Variants in PPP3CA observed in about 807,000 individuals in gnomAD.
The protein encoded by PPP3CA is CAM-PRP catalytic subunit.
Under a neutral mutation model 66.5 loss-of-function variants are expected in PPP3CA, and 14 were observed. The ratio of observed to expected loss-of-function variants is 0.21; its 90% CI spans 0.14 to 0.33. The LOEUF is 0.33. Among genes scored for constraint, PPP3CA ranks in the 10% least tolerant of loss-of-function variants. PPP3CA has a pLI of 1.00. For synonymous variants in PPP3CA, 232 were observed against 226.2 expected, an observed-to-expected ratio of 1.03 and a Z score of -0.23; for missense variants, 317 against 639.5, an observed-to-expected ratio of 0.50 and a Z score of 5.44.
chr4:101,174,362 A>C (rs1269093865), intron 2 of PPP3CA, among the ~76,000 whole-genome samples: 2 of 152,156 alleles, frequency 1.3e-5, no homozygotes, highest in Non-Finnish European at 2.9e-5. Flanking sequence ...CACAAAATTA[A>C]TTGGGGTTAG....
rs186889271 is a variant in PPP3CA at position 101,025,741 on chromosome 4, C to G, written c.*124G>C. The G allele has an allele frequency of 1.2e-3, 896 of 719,152 alleles. 26 individuals are homozygous for G. In the Admixed American group the frequency reaches 0.026, roughly 21 times the overall value. 44.5% of individuals were successfully genotyped at this position (719,152 alleles called of 1,614,324 possible). A position where few individuals can be genotyped will look rare whatever the true frequency, so the allele number is the denominator to read the frequency against. On this transcript the variant is annotated 3_prime_UTR_variant, in exon 14 of 14. Transcript: ENST00000394854. Reference sequence around the variant, plus strand: ...TGTAAACTGAATCCAATTCCTGGCCCCCAGAGCAAATAAGCTACTGTCAGA... The same window carrying G: ...TGTAAACTGAATCCAATTCCTGGCCGCCAGAGCAAATAAGCTACTGTCAGA...
intron 2 of PPP3CA, among the ~76,000 whole-genome samples, chr4:101,188,074 A>G (rs1401424563): frequency 2.0e-5 from 3 of 152,174 alleles, no homozygotes; most frequent in Non-Finnish European, 4.4e-5. Flanking sequence ...ATTAGATAGC[A>G]CATTCAGAGA....
intron 1 of PPP3CA, among the ~76,000 whole-genome samples, chr4:101,241,807 C>T (rs1363394297): frequency 6.6e-6 from 1 of 152,028 alleles, no homozygotes; most frequent in African/African-American, 2.4e-5. Flanking sequence ...AATCTGATTC[C>T]AGTGACCATG....
chr4:101,129,554 A>AGC, intron 2 of PPP3CA, among the ~76,000 whole-genome samples: 1 of 152,218 alleles, frequency 6.6e-6, no homozygotes, highest in Non-Finnish European at 1.5e-5. Context: ...GGAAGGAACA[A>AGC]GCAGCAATCT....
chr4:101,206,520 C>T (rs1725135291), intron 1 of PPP3CA, among the ~76,000 whole-genome samples: 2 of 152,090 alleles, frequency 1.3e-5, no homozygotes, highest in South Asian at 4.1e-4. Context: ...AAGAAACTTT[C>T]AAGTAATTAA....
chr4:101,201,443 A>G (rs957249376), intron 1 of PPP3CA, among the ~76,000 whole-genome samples: 1 of 152,198 alleles, frequency 6.6e-6, no homozygotes, highest in Admixed American at 6.5e-5. Flanking sequence ...GCATTGGCCT[A>G]TTTTTACCTA....
At chr4:101,087,091 T>A (rs1729705800) in intron 6 of PPP3CA, among the ~76,000 whole-genome samples, 1 of 152,132 alleles carries the variant, frequency 6.6e-6, no homozygotes, top group Admixed American at 6.5e-5. Flanking sequence ...GTTCAACTCC[T>A]CCTCTGCTTC....
intron 10 of PPP3CA, among the ~76,000 whole-genome samples, chr4:101,047,457 TAA>T (rs1335468164): frequency 2.0e-5 from 3 of 152,192 alleles, no homozygotes; most frequent in African/African-American, 7.2e-5. Context: ...CAATGGCATA[TAA>T]ATATCACAGC....
intron 1 of PPP3CA, among the ~76,000 whole-genome samples, chr4:101,295,424 T>C (rs1728173129): frequency 6.6e-6 from 1 of 152,220 alleles, no homozygotes; most frequent in African/African-American, 2.4e-5. Context: ...ATTTTCTATT[T>C]TGTACATAAA....
chr4:101,195,395 GGA>G (rs1724756742), intron 2 of PPP3CA, among the ~76,000 whole-genome samples: 2 of 152,136 alleles, frequency 1.3e-5, no homozygotes, highest in East Asian at 3.8e-4. Context: ...ACAGAGGGCT[GGA>G]TAAGACACAG....
intron 1 of PPP3CA, among the ~76,000 whole-genome samples, chr4:101,333,381 C>G (rs1053625133): frequency 2.1e-5 from 3 of 142,172 alleles, no homozygotes; most frequent in Non-Finnish European, 4.5e-5. Flanking sequence ...CCACCTCAGC[C>G]TCCCAAAGTA....
intron 1 of PPP3CA, among the ~76,000 whole-genome samples, chr4:101,234,820 C>A (rs1216967302): frequency 6.6e-6 from 1 of 151,746 alleles, no homozygotes; most frequent in East Asian, 1.9e-4. Context: ...TTACCTTTTA[C>A]TTAATCACAG....
intron 1 of PPP3CA, among the ~76,000 whole-genome samples, chr4:101,209,013 A>C (rs1268815006): frequency 2.6e-5 from 4 of 152,212 alleles, no homozygotes; most frequent in Non-Finnish European, 4.4e-5. Context: ...TCCTTTATAA[A>C]GACAAAGGCA....
chr4:101,282,890 T>C (rs1228052884), intron 1 of PPP3CA, among the ~76,000 whole-genome samples: 1 of 152,224 alleles, frequency 6.6e-6, no homozygotes, highest in Admixed American at 6.5e-5. Flanking sequence ...CTAACTTTGA[T>C]AAAATAAGCA....
At chr4:101,238,337 T>C (rs1726192678) in intron 1 of PPP3CA, among the ~76,000 whole-genome samples, 1 of 151,984 alleles carries the variant, frequency 6.6e-6, no homozygotes, top group Admixed American at 6.6e-5. Context: ...ATAAATCTAT[T>C]AAAAGCTGAC....
chr4:101,203,952 T>C (rs1220860275), intron 1 of PPP3CA, among the ~76,000 whole-genome samples: 1 of 152,202 alleles, frequency 6.6e-6, no homozygotes, highest in Non-Finnish European at 1.5e-5. Context: ...TAAGTTTAAA[T>C]AAAAGCTGAT....
intron 1 of PPP3CA, among the ~76,000 whole-genome samples, chr4:101,335,259 C>CA (rs1368436516): frequency 2.0e-4 from 31 of 151,730 alleles, no homozygotes; most frequent in Non-Finnish European, 1.5e-5. Flanking sequence ...CTACATTTGC[C>CA]AAATTCAATG....
intron 2 of PPP3CA, among the ~76,000 whole-genome samples, chr4:101,135,908 A>G (rs1037600629): frequency 1.3e-5 from 2 of 152,232 alleles, no homozygotes; most frequent in Admixed American, 6.5e-5. Context: ...TTCAAATGGC[A>G]GCACTAGCAC....
intron 1 of PPP3CA, among the ~76,000 whole-genome samples, chr4:101,325,419 A>G (rs1169255439): frequency 6.6e-6 from 1 of 152,232 alleles, no homozygotes; most frequent in Non-Finnish European, 1.5e-5. Flanking sequence ...ACTAAAGGTA[A>G]GGAATGGAAA....
Sources: allele counts gnomAD v4.1 joint callset (sites outside exome capture counted in the v4.1 genomes callset), GRCh38; gene constraint gnomAD v4.1.1; transcripts MANE v1.5; gene names NCBI Gene and HGNC (gene_info 2026-07-23, HGNC 2026-07-21).